Variants in CSGALNACT1 observed in about 807,000 individuals in gnomAD.
CSGALNACT1 encodes the protein chondroitin sulfate N-acetylgalactosaminyltransferase 1.
CSGALNACT1 carries 52 observed loss-of-function variants against 51.0 expected under a neutral mutation model. The observed-to-expected ratio is 1.02, with a 90% CI of 0.82 to 1.29. CSGALNACT1 has a LOEUF of 1.29. Ranked by LOEUF, CSGALNACT1 falls within the 50% of genes most tolerant of loss-of-function variation. The pLI is 0.00. For synonymous variants in CSGALNACT1, 341 were observed against 254.4 expected, an observed-to-expected ratio of 1.34 and a Z score of -3.24; for missense variants, 935 against 679.2, an observed-to-expected ratio of 1.38 and a Z score of -4.19.
chr8:19,623,791 T>C (rs2054120592), intron 1 of CSGALNACT1, among the ~76,000 whole-genome samples: 1 of 152,170 alleles, frequency 6.6e-6, no homozygotes, highest in Non-Finnish European at 1.5e-5. Flanking sequence ...GGAGGGGAAA[T>C]CTCTAAGCCA....
upstream of CSGALNACT1, among the ~76,000 whole-genome samples, chr8:19,605,604 T>A (rs115930202): frequency 9.0e-3 from 1,364 of 152,212 alleles, 14 homozygotes; most frequent in African/African-American, 0.031. Flanking sequence ...CAGTGTCAGT[T>A]ACAGTAAGAA....
intron 1 of CSGALNACT1, among the ~76,000 whole-genome samples, chr8:19,701,153 GTTTTTTTT>G (rs767074945): frequency 3.2e-5 from 3 of 93,280 alleles, no homozygotes; most frequent in Admixed American, 1.5e-4. Flanking sequence ...TCTATTATCC[GTTTTTTTT>G]TTTTTTTTTT....
At chr8:19,474,713 ACAAAATTAGC>A (rs1213025668) in intron 4 of CSGALNACT1, among the ~76,000 whole-genome samples, 3 of 152,072 alleles carry the variant, frequency 2.0e-5, no homozygotes, top group Admixed American at 1.3e-4. Flanking sequence ...TACTAAAAAT[ACAAAATTAGC>A]CAGGTGTGGT....
intron 1 of CSGALNACT1, among the ~76,000 whole-genome samples, chr8:19,619,844 G>A (rs1321096097): frequency 6.6e-6 from 1 of 152,184 alleles, no homozygotes; most frequent in Non-Finnish European, 1.5e-5. Flanking sequence ...CATCAGACTT[G>A]TTGACAAGAG....
At chr8:19,597,144 G>A (rs759494594) in intron 2 of CSGALNACT1, among the ~76,000 whole-genome samples, 2 of 152,108 alleles carry the variant, frequency 1.3e-5, no homozygotes, top group African/African-American at 4.8e-5. Flanking sequence ...GTCTCAAACT[G>A]CATCCATATT....
chr8:19,429,075 T>A (rs2059259244), intron 6 of CSGALNACT1, among the ~76,000 whole-genome samples: 2 of 152,190 alleles, frequency 1.3e-5, no homozygotes, highest in South Asian at 4.1e-4. Flanking sequence ...TCCCCTCATA[T>A]CCCCAGCCCC....
intron 1 of CSGALNACT1, among the ~76,000 whole-genome samples, chr8:19,615,985 A>G (rs1443718500): frequency 6.6e-6 from 1 of 152,248 alleles, no homozygotes; most frequent in Non-Finnish European, 1.5e-5. Context: ...AGGCATATCC[A>G]TATCATCAAC....
intron 6 of CSGALNACT1, among the ~76,000 whole-genome samples, chr8:19,438,603 C>G (rs953371150): frequency 5.3e-5 from 8 of 152,220 alleles, no homozygotes; most frequent in African/African-American, 1.9e-4. Context: ...AAGAGCCAGA[C>G]AGTAAACAGT....
intron 1 of CSGALNACT1, among the ~76,000 whole-genome samples, chr8:19,752,744 T>C (rs747406022): frequency 5.9e-5 from 9 of 152,310 alleles, no homozygotes; most frequent in South Asian, 4.1e-4. Flanking sequence ...ATGTCCTTTG[T>C]GTGTGAAAAT....
intron 1 of CSGALNACT1, among the ~76,000 whole-genome samples, chr8:19,717,699 A>C (rs17091020): frequency 0.064 from 9,693 of 152,220 alleles, 325 homozygotes; most frequent in South Asian, 0.11. Flanking sequence ...ACTCAGTTTA[A>C]CAACCCCAGC....
chr8:19,529,515 A>G (rs1476659967), intron 3 of CSGALNACT1, among the ~76,000 whole-genome samples: 1 of 152,194 alleles, frequency 6.6e-6, no homozygotes, highest in East Asian at 1.9e-4. Context: ...TCTTAATAAC[A>G]TTTCATTCAT....
chr8:19,611,008 C>G (rs1433760776), intron 1 of CSGALNACT1, among the ~76,000 whole-genome samples: 1 of 152,214 alleles, frequency 6.6e-6, no homozygotes, highest in Non-Finnish European at 1.5e-5. Context: ...GAGCTTTGAG[C>G]AGCGGGGCAC....
At chr8:19,514,256 T>G (rs7816777) in intron 3 of CSGALNACT1, among the ~76,000 whole-genome samples, 2 of 151,048 alleles carry the variant, frequency 1.3e-5, no homozygotes, top group African/African-American at 4.9e-5. Flanking sequence ...ATCTGAAGCC[T>G]TCTTCCCTGA....
At chr8:19,724,536 T>A (rs1458878208) in intron 1 of CSGALNACT1, among the ~76,000 whole-genome samples, 1 of 152,206 alleles carries the variant, frequency 6.6e-6, no homozygotes, top group Admixed American at 6.5e-5. Flanking sequence ...TAACCCAGGA[T>A]AATTTCTCCA....
intron 1 of CSGALNACT1, among the ~76,000 whole-genome samples, chr8:19,669,616 C>T (rs1006087375): frequency 6.6e-6 from 1 of 151,962 alleles, no homozygotes. Flanking sequence ...CCATGCCTGG[C>T]CAGTTTTTTG....
chr8:19,533,788 G>A (rs2083234497), intron 3 of CSGALNACT1, among the ~76,000 whole-genome samples: 1 of 152,128 alleles, frequency 6.6e-6, no homozygotes, highest in African/African-American at 2.4e-5. Flanking sequence ...GCATATAGAA[G>A]AGCTTTTTAC....
At chr8:19,540,060 G>T (rs1328670064) in intron 3 of CSGALNACT1, among the ~76,000 whole-genome samples, 1 of 152,138 alleles carries the variant, frequency 6.6e-6, no homozygotes, top group Non-Finnish European at 1.5e-5. Context: ...AAAGACTAAA[G>T]ATCATGAATT....
chr8:19,440,796 C>T (rs964051897), intron 5 of CSGALNACT1, among the ~76,000 whole-genome samples: 10 of 152,006 alleles, frequency 6.6e-5, no homozygotes, highest in African/African-American at 2.4e-4. Context: ...TTGCAGATGA[C>T]ATGATTGTAT....
At chr8:19,464,973 G>C (rs2066346404) in intron 4 of CSGALNACT1, among the ~76,000 whole-genome samples, 1 of 152,106 alleles carries the variant, frequency 6.6e-6, no homozygotes, top group Admixed American at 6.6e-5. Context: ...ATATGATTCA[G>C]CAATTCTATG....
Sources: gnomAD v4.1 joint callset for allele counts (sites outside exome capture counted in the v4.1 genomes callset) on GRCh38, gnomAD v4.1.1 for gene constraint, MANE v1.5 for transcripts, NCBI Gene and HGNC (gene_info 2026-07-23, HGNC 2026-07-21) for gene names.